KLRG1: variants seen among roughly 807,000 people sequenced by gnomAD.
The protein encoded by KLRG1 is killer cell lectin-like receptor subfamily G member 1.
A neutral mutation model predicts 21.8 loss-of-function variants in KLRG1; 16 were observed. The ratio of observed to expected loss-of-function variants is 0.73; its 90% CI spans 0.50 to 1.11. KLRG1 has a LOEUF of 1.11. KLRG1 is among the 50% of genes most tolerant of loss of function. The pLI is 0.00. For missense variants in KLRG1, 173 were observed against 218.3 expected (o/e 0.79, Z 1.31); for synonymous variants, 69 against 75.9 (o/e 0.91, Z 0.47).
chr12:9,204,190 A>G, the KLRG1 span, among the ~76,000 whole-genome samples: 1 of 152,176 alleles, frequency 6.6e-6, no homozygotes, highest in African/African-American at 2.4e-5. Context: ...GCTTTCCAAG[A>G]TGTTACAATT....
chr12:9,197,021 GA>G, the KLRG1 span: 1 of 1,609,078 alleles, frequency 6.2e-7, no homozygotes, highest in South Asian at 1.1e-5. Context: ...CCTGTTGACT[GA>G]ATTCCTCACA....
At chr12:9,194,062 T>C in the KLRG1 span, 1 of 1,605,150 alleles carries the variant, frequency 6.2e-7, no homozygotes. Context: ...CAGAGATTTG[T>C]CTTTCTATAC....
chr12:9,109,972 A>ATC, the KLRG1 span: 2 of 1,613,738 alleles, frequency 1.2e-6, no homozygotes, highest in South Asian at 2.2e-5. Flanking sequence ...GGAAAAGAAA[A>ATC]TTGCTTGAGG....
At chr12:9,109,937 G>C in the KLRG1 span, 1 of 1,614,006 alleles carries the variant, frequency 6.2e-7, no homozygotes, top group East Asian at 2.2e-5. Flanking sequence ...CCTTGTAGGA[G>C]CCCTGGAAGG....
chr12:9,160,910 A>G, the KLRG1 span: 50 of 839,518 alleles, frequency 6.0e-5, no homozygotes, highest in East Asian at 1.6e-4. Flanking sequence ...GCGAGACTCC[A>G]TCTCAAAAAA....
At chr12:8,991,518 C>T (rs1226071075) in intron 1 of KLRG1, among the ~76,000 whole-genome samples, 1 of 152,030 alleles carries the variant, frequency 6.6e-6, no homozygotes, top group Non-Finnish European at 1.5e-5. Context: ...TATTTTGTCT[C>T]CAGTGACTGT....
the KLRG1 span, among the ~76,000 whole-genome samples, chr12:9,173,010 T>A: frequency 1.3e-5 from 2 of 152,198 alleles, no homozygotes; most frequent in African/African-American, 2.4e-5. Flanking sequence ...CCACCAAAAT[T>A]CAACAGAATA....
Position 8,971,923 on chromosome 12 carries a change from G to A in KLRG1, c.-155-20283G>A, listed in dbSNP as rs770054517. 5.9e-5 allele frequency among the ~76,000 whole-genome samples: 9 copies of A among 152,264 alleles called. No homozygotes were observed. In the South Asian group the frequency reaches 1.2e-3, roughly 21 times the overall value. ...GATATTAACCCCTTATCAGATATAT[G>A]GTTTACAAATATTTTCTCCCATTCT... On this transcript the variant is annotated intron_variant, in intron 1 of 4. Transcript: ENST00000539240.
the KLRG1 span, chr12:9,157,934 T>C: frequency 1.9e-6 from 2 of 1,056,726 alleles, no homozygotes; most frequent in African/African-American, 3.1e-5. Context: ...AGTATCTGTT[T>C]CCATTCAAAG....
upstream of KLRG1, among the ~76,000 whole-genome samples, chr12:8,987,975 G>GT (rs1407415314): frequency 1.3e-5 from 2 of 152,168 alleles, no homozygotes; most frequent in South Asian, 2.1e-4. Context: ...GTTTTGCTCT[G>GT]TTTTTGGTTG....
chr12:9,005,204 G>T (rs749513433), intron 3 of KLRG1, among the ~76,000 whole-genome samples: 2 of 152,028 alleles, frequency 1.3e-5, no homozygotes, highest in African/African-American at 2.4e-5. Context: ...GGCCTGTCGG[G>T]GGGTGGGGGG....
At chr12:8,976,143 A>G (rs772597511) in intron 1 of KLRG1, among the ~76,000 whole-genome samples, 2 of 152,136 alleles carry the variant, frequency 1.3e-5, no homozygotes, top group African/African-American at 4.8e-5. Context: ...ACTGCATCCC[A>G]TAAGTTTTGG....
chr12:8,984,714 C>T (rs1194657256), upstream of KLRG1, among the ~76,000 whole-genome samples: 1 of 152,098 alleles, frequency 6.6e-6, no homozygotes, highest in Non-Finnish European at 1.5e-5. Flanking sequence ...ATATTAAAGT[C>T]CTTGTTTGCT....
chr12:9,054,044 C>T, the KLRG1 span, among the ~76,000 whole-genome samples: 3 of 152,284 alleles, frequency 2.0e-5, no homozygotes, highest in African/African-American at 7.2e-5. Context: ...CACATCTCCT[C>T]ACTTGGTGCT....
chr12:9,095,992 C>T, the KLRG1 span, among the ~76,000 whole-genome samples: 1 of 151,746 alleles, frequency 6.6e-6, no homozygotes, highest in East Asian at 1.9e-4. Flanking sequence ...ATCTCCTGAC[C>T]TCATGATCCA....
chr12:9,181,863 C>T, the KLRG1 span: 1 of 1,208,906 alleles, frequency 8.3e-7, no homozygotes, highest in Non-Finnish European at 1.1e-6. Flanking sequence ...TTGTTGGGAA[C>T]TGTTGGGCAA....
chr12:9,107,563 A>G, the KLRG1 span: 1 of 1,613,910 alleles, frequency 6.2e-7, no homozygotes, highest in Non-Finnish European at 8.5e-7. Context: ...GTGAATCTTC[A>G]CCGTGGCAGT....
chr12:8,997,160 G>A (rs1947156597), intron 3 of KLRG1, among the ~76,000 whole-genome samples: 1 of 152,142 alleles, frequency 6.6e-6, no homozygotes, highest in Non-Finnish European at 1.5e-5. Flanking sequence ...AGTAAAACCA[G>A]CAGAGTTACA....
the KLRG1 span, chr12:9,090,092 A>G: frequency 6.4e-7 from 1 of 1,550,422 alleles, no homozygotes; most frequent in Non-Finnish European, 8.7e-7. Context: ...CTCAAGATTT[A>G]GAAATGTTCA....
Sources: allele counts gnomAD v4.1 joint callset (sites outside exome capture counted in the v4.1 genomes callset), GRCh38; gene constraint gnomAD v4.1.1; transcripts MANE v1.5; gene names NCBI Gene and HGNC (gene_info 2026-07-23, HGNC 2026-07-21).